The following CNTNAP2 variants were observed in gnomAD, a reference collection of about 807,000 sequenced individuals.
CNTNAP2 encodes contactin associated protein 2, also known as contactin-associated protein-like 2.
In CNTNAP2, 98 loss-of-function variants were observed where a neutral mutation model predicts 155.2. The ratio of observed to expected loss-of-function variants is 0.63; its 90% CI spans 0.54 to 0.75. The LOEUF (loss-of-function observed/expected upper bound fraction) is 0.75. Ranked by LOEUF, CNTNAP2 falls within the 30% of genes least tolerant of loss-of-function variation. The pLI, the probability that CNTNAP2 is intolerant of heterozygous loss-of-function variation, is 0.00. For synonymous variants in CNTNAP2, 651 were observed against 631.2 expected (o/e 1.03, Z -0.47); for missense variants, 1,727 against 1,688.1 (o/e 1.02, Z -0.40).
intron 13 of CNTNAP2, among the ~76,000 whole-genome samples, chr7:147,685,657 A>C (rs1796007642): frequency 6.6e-6 from 1 of 152,018 alleles, no homozygotes; most frequent in African/African-American, 2.4e-5. Context: ...CAGGGGGAAT[A>C]AAAAAACAGA....
intron 1 of CNTNAP2, among the ~76,000 whole-genome samples, chr7:146,459,255 A>G (rs564420815): frequency 1.3e-5 from 2 of 152,282 alleles, no homozygotes; most frequent in South Asian, 4.1e-4. Context: ...GTTTTCCAAG[A>G]AGGAGAAAAT....
intron 8 of CNTNAP2, among the ~76,000 whole-genome samples, chr7:147,293,439 T>A (rs1805355636): frequency 6.6e-6 from 1 of 152,166 alleles, no homozygotes; most frequent in Non-Finnish European, 1.5e-5. Context: ...TATACCTTTT[T>A]AAAGTTTTAT....
intron 11 of CNTNAP2, among the ~76,000 whole-genome samples, chr7:147,526,108 C>T (rs890699889): frequency 6.7e-6 from 1 of 149,684 alleles, no homozygotes; most frequent in Non-Finnish European, 1.5e-5. Flanking sequence ...AGGAGCATTG[C>T]TTGAACATGG....
chr7:146,456,908 A>T (rs1467386410), intron 1 of CNTNAP2, among the ~76,000 whole-genome samples: 1 of 152,234 alleles, frequency 6.6e-6, no homozygotes, highest in African/African-American at 2.4e-5. Context: ...TAGGAAAGAC[A>T]GTCTTAGAAA....
At chr7:147,642,067 C>G (rs1795288838) in intron 13 of CNTNAP2, among the ~76,000 whole-genome samples, 1 of 151,604 alleles carries the variant, frequency 6.6e-6, no homozygotes, top group Non-Finnish European at 1.5e-5. Context: ...CAGGAAAAGT[C>G]AAAGACTGTA....
At chr7:147,308,087 G>A (rs1795063892) in intron 9 of CNTNAP2, among the ~76,000 whole-genome samples, 1 of 152,146 alleles carries the variant, frequency 6.6e-6, no homozygotes, top group African/African-American at 2.4e-5. Context: ...AGAAACCTTT[G>A]ATTAAGAAGA....
chr7:147,518,177 G>A (rs1799163206), intron 11 of CNTNAP2, among the ~76,000 whole-genome samples: 1 of 152,156 alleles, frequency 6.6e-6, no homozygotes, highest in South Asian at 2.1e-4. Context: ...TCATATACCT[G>A]CGGTGTATCA....
chr7:147,775,176 C>G (rs1361327681), intron 13 of CNTNAP2, among the ~76,000 whole-genome samples: 1 of 141,566 alleles, frequency 7.1e-6, no homozygotes, highest in Non-Finnish European at 1.5e-5. Flanking sequence ...GTTTTCACTA[C>G]AGTTTTGTGT....
intron 3 of CNTNAP2, among the ~76,000 whole-genome samples, chr7:146,867,182 C>T (rs909720220): frequency 6.6e-5 from 10 of 152,002 alleles, no homozygotes; most frequent in African/African-American, 2.4e-4. Flanking sequence ...AACTTCTGTC[C>T]TCGAGAAGAA....
At chr7:148,029,006 CA>C (rs1336904554) in intron 15 of CNTNAP2, among the ~76,000 whole-genome samples, 1 of 152,134 alleles carries the variant, frequency 6.6e-6, no homozygotes, top group Non-Finnish European at 1.5e-5. Context: ...ATATTTTGTA[CA>C]AAATTTCCAT....
chr7:146,383,416 G>T (rs1327526473), intron 1 of CNTNAP2, among the ~76,000 whole-genome samples: 1 of 152,050 alleles, frequency 6.6e-6, no homozygotes, highest in Non-Finnish European at 1.5e-5. Context: ...CAGGTAGCTG[G>T]TTTTTAACGG....
intron 15 of CNTNAP2, among the ~76,000 whole-genome samples, chr7:147,994,329 C>T (rs1351476234): frequency 6.6e-6 from 1 of 151,554 alleles, no homozygotes; most frequent in African/African-American, 2.4e-5. Flanking sequence ...TATGATTGTG[C>T]CACTGCACTA....
chr7:148,399,179 G>A lies in CNTNAP2; in HGVS notation c.3716-10212G>A, dbSNP rs540429490. On this transcript the variant is annotated intron_variant, in intron 22 of 23. Transcript: ENST00000361727. ...CTGTCTGACATACCATAATATGCCC[G>A]TATGGCTTCAGGCTTTCCACCCTGA... Among the ~76,000 whole-genome samples, 66 of 152,246 alleles carry A rather than the reference G, an allele frequency of 4.3e-4. No homozygotes were observed. In the Middle Eastern group the frequency reaches 0.01, roughly 24 times the overall value.
intron 13 of CNTNAP2, among the ~76,000 whole-genome samples, chr7:147,882,353 G>A (rs17170722): frequency 0.039 from 5,971 of 152,228 alleles, 376 homozygotes; most frequent in African/African-American, 0.14. Context: ...TCTTGCACTG[G>A]CTGGAATATG....
intron 21 of CNTNAP2, among the ~76,000 whole-genome samples, chr7:148,309,296 G>A (rs1461540481): frequency 1.3e-5 from 2 of 152,208 alleles, no homozygotes; most frequent in Admixed American, 6.5e-5. Context: ...CTACACAACT[G>A]TCACACACAA....
intron 1 of CNTNAP2, among the ~76,000 whole-genome samples, chr7:146,400,786 A>G (rs1328455921): frequency 6.6e-6 from 1 of 152,230 alleles, no homozygotes; most frequent in African/African-American, 2.4e-5. Context: ...GTTAATGTTA[A>G]ATAAGGAGTT....
At chr7:148,108,435 G>A (rs1270838891) in intron 15 of CNTNAP2, among the ~76,000 whole-genome samples, 2 of 152,074 alleles carry the variant, frequency 1.3e-5, no homozygotes, top group African/African-American at 4.8e-5. Flanking sequence ...AGGGAGCAGA[G>A]GAAGGAAAGA....
At chr7:147,772,008 CA>C (rs903110002) in intron 13 of CNTNAP2, among the ~76,000 whole-genome samples, 59 of 150,214 alleles carry the variant, frequency 3.9e-4, no homozygotes, top group Non-Finnish European at 5.8e-4. Flanking sequence ...TTCATAAAGA[CA>C]AAAAAAATTT....
rs189435762 is a variant in CNTNAP2 at position 147,591,968 on chromosome 7, A to G, written c.1897+29711A>G. On this transcript the variant is annotated intron_variant, in intron 12 of 23. Coordinates refer to ENST00000361727, the MANE Select transcript of CNTNAP2 (RefSeq NM_014141.6). ...AATATATTCCAAGAAGCATGGCTCA[A>G]TGTCATCTATGAAAAACATTAGCAT... 6.0e-4 allele frequency among the ~76,000 whole-genome samples: 91 copies of G among 152,352 alleles called. 1 individual carries two copies. The highest frequency in any genetic ancestry group is 1.9e-3 in the Admixed American group (29 of 15,306).
Sources: allele counts gnomAD v4.1 joint callset (sites outside exome capture counted in the v4.1 genomes callset), GRCh38; gene constraint gnomAD v4.1.1; transcripts MANE v1.5; gene names NCBI Gene and HGNC (gene_info 2026-07-23, HGNC 2026-07-21).